Variants in SPATA13 observed in about 807,000 individuals in gnomAD.
SPATA13 encodes spermatogenesis-associated protein 13.
In SPATA13, 50 loss-of-function variants were observed where a neutral mutation model predicts 104.0. The observed-to-expected ratio is 0.48, with a 90% CI of 0.38 to 0.61. The LOEUF is 0.61. SPATA13 is among the 20% of genes least tolerant of loss of function. The pLI is 0.00. For missense variants in SPATA13, 1,524 were observed against 1,690.6 expected (o/e 0.90, Z 1.73); for synonymous variants, 606 against 667.5 (o/e 0.91, Z 1.42).
At chr13:24,039,425 A>C (rs1286217684) in intron 3 of SPATA13, among the ~76,000 whole-genome samples, 1 of 152,246 alleles carries the variant, frequency 6.6e-6, no homozygotes, top group Non-Finnish European at 1.5e-5. Context: ...GTGGAAGCAG[A>C]TTCGCAGCTT....
intron 2 of SPATA13, among the ~76,000 whole-genome samples, chr13:24,246,838 G>C (rs755555524): frequency 6.6e-6 from 1 of 152,104 alleles, no homozygotes; most frequent in Non-Finnish European, 1.5e-5. Flanking sequence ...ACTCCAGCCT[G>C]GTGACAGAGT....
intron 1 of SPATA13, among the ~76,000 whole-genome samples, chr13:24,191,521 T>C: frequency 7.3e-6 from 1 of 137,066 alleles, no homozygotes; most frequent in Admixed American, 7.4e-5. Context: ...TTTTTTTTTT[T>C]TTTTTTGAGA....
chr13:24,082,420 G>T (rs898415883), intron 3 of SPATA13, among the ~76,000 whole-genome samples: 1 of 152,172 alleles, frequency 6.6e-6, no homozygotes, highest in African/African-American at 2.4e-5. Flanking sequence ...CACTGATGGA[G>T]AATTCACCTT....
chr13:24,094,888 C>T (rs563336394), intron 3 of SPATA13, among the ~76,000 whole-genome samples: 5 of 152,282 alleles, frequency 3.3e-5, no homozygotes, highest in Admixed American at 1.3e-4. Flanking sequence ...AGGATGGCTA[C>T]TAAAAGAAAA....
At chr13:24,261,165 C>T (rs907123985) in intron 4 of SPATA13, among the ~76,000 whole-genome samples, 5 of 152,138 alleles carry the variant, frequency 3.3e-5, no homozygotes, top group South Asian at 4.1e-4. Context: ...TTGGCTGGAT[C>T]GTGGAGGACT....
upstream of SPATA13, among the ~76,000 whole-genome samples, chr13:24,156,794 A>G (rs1208637232): frequency 1.3e-5 from 2 of 152,226 alleles, no homozygotes; most frequent in African/African-American, 2.4e-5. Context: ...GGAGCCGGTC[A>G]AAGTGAGGTT....
chr13:24,273,892 G>A (rs1437411542), intron 4 of SPATA13, among the ~76,000 whole-genome samples: 1 of 152,130 alleles, frequency 6.6e-6, no homozygotes, highest in Admixed American at 6.6e-5. Context: ...ATCTTGCTAT[G>A]TTGCCCAGGC....
At chr13:24,109,838 T>C (rs1179832167) in intron 3 of SPATA13, among the ~76,000 whole-genome samples, 1 of 151,932 alleles carries the variant, frequency 6.6e-6, no homozygotes, top group Non-Finnish European at 1.5e-5. Flanking sequence ...ATGAATAATA[T>C]CACCTGTGCC....
chr13:24,069,144 TC>T (rs1393310217), intron 3 of SPATA13, among the ~76,000 whole-genome samples: 2 of 152,186 alleles, frequency 1.3e-5, no homozygotes, highest in Admixed American at 6.5e-5. Flanking sequence ...AATATTTTTT[TC>T]TAGTTCCATG....
intron 4 of SPATA13, chr13:24,272,854 C>G (rs1403981737): frequency 6.6e-6 from 1 of 152,338 alleles, no homozygotes; most frequent in African/African-American, 2.4e-5. Context: ...AGGATTTATT[C>G]CAGCGCTGAG....
intron 1 of SPATA13, among the ~76,000 whole-genome samples, chr13:24,211,675 C>T (rs375713317): frequency 3.2e-4 from 48 of 152,232 alleles, no homozygotes; most frequent in African/African-American, 1.1e-3. Context: ...CATGTTGACT[C>T]TCTCCCCATC....
At position 24,286,401 on chromosome 13, in the gene SPATA13, TG is replaced by T; in HGVS notation, c.2481+12del. Reference sequence around the variant, plus strand: ...CCCGCGAGCTTCGTCAGAGTAAGTGTGGGGTGCTTGCAGCTTTTCCAAAGTA... The same window carrying T: ...CCCGCGAGCTTCGTCAGAGTAAGTGTGGGTGCTTGCAGCTTTTCCAAAGTA... On this transcript the variant is annotated intron_variant, in intron 6 of 12. Transcript: ENST00000382108. The surrounding 1 kb of genome is among the most constrained non-coding windows in gnomAD (Gnocchi z 4.9). 6.2e-7 allele frequency: 1 copy of T among 1,608,792 alleles called. No homozygotes were observed. The highest frequency in any genetic ancestry group is 8.5e-7 in the Non-Finnish European group (1 of 1,177,934).
At position 24,045,753 on chromosome 13, in the gene SPATA13, A is replaced by G. The variant is rs553950908; in HGVS notation, c.-112+28052A>G. Among the ~76,000 whole-genome samples, 7 of 152,228 alleles carry G rather than the reference A, an allele frequency of 4.6e-5. No individual in the cohort carries two copies. In the South Asian group the frequency reaches 1.2e-3, roughly 27 times the overall value. On this transcript the variant is annotated intron_variant, in intron 3 of 14. Transcript: ENST00000424834. ...AAGATCATGTTTGCCCTGCAGAGAG[A>G]CACAGGCTGAGCCACAGGGTTGCTG... is the stretch of plus-strand genomic sequence containing the variant.
intron 1 of SPATA13, among the ~76,000 whole-genome samples, chr13:24,166,020 G>A (rs1414266251): frequency 6.6e-6 from 1 of 152,174 alleles, no homozygotes; most frequent in Non-Finnish European, 1.5e-5. Flanking sequence ...CCTGGGGGGT[G>A]GAGTGCTCTT....
At chr13:24,116,932 T>G (rs749133664) in intron 3 of SPATA13, among the ~76,000 whole-genome samples, 1 of 152,128 alleles carries the variant, frequency 6.6e-6, no homozygotes, top group Non-Finnish European at 1.5e-5. Flanking sequence ...GAGGACACAG[T>G]GAGAAGGCAG....
chr13:24,148,156 A>G (rs1881992559), intron 3 of SPATA13, among the ~76,000 whole-genome samples: 1 of 152,206 alleles, frequency 6.6e-6, no homozygotes, highest in African/African-American at 2.4e-5. Context: ...TATTTTTAAA[A>G]GACATTCCTG....
intron 1 of SPATA13, among the ~76,000 whole-genome samples, chr13:24,174,943 C>T (rs960571671): frequency 3.9e-5 from 6 of 152,308 alleles, no homozygotes; most frequent in African/African-American, 1.4e-4. Context: ...TGTTTCATAT[C>T]CAGATGTTTG....
At chr13:24,158,636 A>T (rs1006216010), upstream of SPATA13, among the ~76,000 whole-genome samples, 1 of 152,232 alleles carries the variant, frequency 6.6e-6, no homozygotes, top group Admixed American at 6.5e-5. Flanking sequence ...CCAGGCGCTC[A>T]AAAGGTTTTC....
At chr13:24,282,269 C>T (rs1566190733) in intron 4 of SPATA13, among the ~76,000 whole-genome samples, 1 of 152,094 alleles carries the variant, frequency 6.6e-6, no homozygotes, top group African/African-American at 2.4e-5. Context: ...TAGATTGATC[C>T]GAATATAAAA....
Sources: gnomAD v4.1 joint callset for allele counts (sites outside exome capture counted in the v4.1 genomes callset) on GRCh38, gnomAD v4.1.1 for gene constraint, Gnocchi (gnomAD v3.1) non-coding constraint, MANE v1.5 for transcripts, NCBI Gene and HGNC (gene_info 2026-07-23, HGNC 2026-07-21) for gene names.